GPBP1L1: variants seen among roughly 807,000 people sequenced by gnomAD.
The protein encoded by GPBP1L1 is vasculin-like protein 1.
GPBP1L1 carries 23 observed loss-of-function variants against 52.5 expected under a neutral mutation model. The observed-to-expected ratio is 0.44, with a 90% CI of 0.32 to 0.62. The LOEUF is 0.62. Among genes scored for constraint, GPBP1L1 ranks in the 20% least tolerant of loss-of-function variants. The probability of loss-of-function intolerance (pLI) is 0.06; values close to 1 mark genes in which losing one functional copy is unlikely to be tolerated. For synonymous variants in GPBP1L1, 243 were observed against 203.1 expected (o/e 1.20, Z -1.67); for missense variants, 596 against 579.3 (o/e 1.03, Z -0.30).
chr1:45,677,281 A>C (rs1645158572), intron 2 of GPBP1L1, among the ~76,000 whole-genome samples: 1 of 148,988 alleles, frequency 6.7e-6, no homozygotes, highest in African/African-American at 2.5e-5. Flanking sequence ...GGTTGCAGTG[A>C]GTGAGCTGAG....
intron 6 of GPBP1L1, among the ~76,000 whole-genome samples, chr1:45,644,467 CAACAT>C (rs1298583254): frequency 1.3e-5 from 2 of 151,876 alleles, no homozygotes; most frequent in African/African-American, 4.8e-5. Context: ...ATGGTTTAAG[CAACAT>C]AACATTACCA....
At chr1:45,658,960 A>G (rs1440322913) in intron 4 of GPBP1L1, 68 bp downstream of exon 4, 3 of 1,120,610 alleles carry the variant, frequency 2.7e-6, no homozygotes, top group Non-Finnish European at 4.1e-6. Context: ...ATGAAACCAA[A>G]AAACAACCAA....
chr1:45,634,336 T>G (rs1206152524), intron 8 of GPBP1L1, 100 bp from the exon 9 acceptor site: 2 of 1,256,444 alleles, frequency 1.6e-6, no homozygotes, highest in Non-Finnish European at 2.2e-6. Context: ...CATGAGAACA[T>G]AAGTTTCCAG....
chr1:45,687,157 C>T (rs1645301104), upstream of GPBP1L1: 1 of 152,280 alleles, frequency 6.6e-6, no homozygotes, highest in African/African-American at 2.4e-5. Context: ...GCGCTACCCG[C>T]TGGGAGTAGT....
In GPBP1L1 at chr1:45,685,920, C is replaced by T. The variant is rs1373376727; in HGVS notation, c.-1142-300G>A. 4.6e-5 allele frequency among the ~76,000 whole-genome samples: 7 copies of T among 152,342 alleles called. No homozygotes were observed. In the East Asian group the frequency reaches 1.2e-3, roughly 25 times the overall value. ...TCTAAGCGAAAACACCTCGCTACCA[C>T]AGAGAACCGGAAAGCTGGGGGTTAA... On this transcript the variant is annotated intron_variant, in intron 1 of 12. Coordinates refer to ENST00000355105, the MANE Select transcript of GPBP1L1 (RefSeq NM_021639.5).
chr1:45,677,873 C>G (rs1335830662), intron 2 of GPBP1L1, among the ~76,000 whole-genome samples: 1 of 152,176 alleles, frequency 6.6e-6, no homozygotes, highest in Admixed American at 6.5e-5. Flanking sequence ...GAGGCACAAA[C>G]AAAGAATTCT....
intron 6 of GPBP1L1, among the ~76,000 whole-genome samples, chr1:45,643,770 A>G (rs1267597511): frequency 6.8e-6 from 1 of 147,018 alleles, no homozygotes; most frequent in Non-Finnish European, 1.5e-5. Context: ...TCCAGGTTCA[A>G]GCAATTCTCC....
chr1:45,672,037 T>C (rs1219127991), intron 2 of GPBP1L1, among the ~76,000 whole-genome samples: 4 of 152,008 alleles, frequency 2.6e-5, no homozygotes, highest in Non-Finnish European at 5.9e-5. Context: ...TCTAAACTTT[T>C]CTCCATAAAG....
chr1:45,640,880 T>C (rs1158943855), intron 7 of GPBP1L1, among the ~76,000 whole-genome samples: 1 of 152,066 alleles, frequency 6.6e-6, no homozygotes, highest in Non-Finnish European at 1.5e-5. Context: ...TAGCCAGGCA[T>C]GGTGGTGCAC....
intron 6 of GPBP1L1, among the ~76,000 whole-genome samples, chr1:45,650,322 A>G (rs1482711704): frequency 6.6e-6 from 1 of 152,170 alleles, no homozygotes; most frequent in Non-Finnish European, 1.5e-5. Context: ...CACACTTGTC[A>G]ATTTTGAAAG....
chr1:45,679,039 T>C (rs1181171730), intron 2 of GPBP1L1, among the ~76,000 whole-genome samples: 4 of 152,204 alleles, frequency 2.6e-5, no homozygotes, highest in East Asian at 3.8e-4. Context: ...TATTCTACAT[T>C]ACCCTTACAT....
intron 8 of GPBP1L1, chr1:45,635,288 C>T (rs1644579876): frequency 6.6e-6 from 1 of 152,110 alleles, no homozygotes; most frequent in Non-Finnish European, 1.5e-5. Flanking sequence ...CCACAAAGAA[C>T]AAGCAAGCAG....
At chr1:45,644,211 A>T (rs940278888) in intron 6 of GPBP1L1, among the ~76,000 whole-genome samples, 2 of 152,206 alleles carry the variant, frequency 1.3e-5, no homozygotes, top group Non-Finnish European at 2.9e-5. Context: ...AGGTAAATAC[A>T]TTCCTCTAGA....
intron 6 of GPBP1L1, among the ~76,000 whole-genome samples, chr1:45,647,456 T>C (rs1296600025): frequency 1.3e-5 from 2 of 152,230 alleles, no homozygotes; most frequent in Non-Finnish European, 2.9e-5. Flanking sequence ...AACCCTGTGC[T>C]GGTTACCGCT....
At chr1:45,641,103 G>C (rs568673627) in intron 7 of GPBP1L1, among the ~76,000 whole-genome samples, 1 of 152,274 alleles carries the variant, frequency 6.6e-6, no homozygotes, top group African/African-American at 2.4e-5. Flanking sequence ...TCAGGGATTG[G>C]AGTCTGCCAT....
intron 4 of GPBP1L1, among the ~76,000 whole-genome samples, chr1:45,657,662 G>A (rs116602794): frequency 1.0e-3 from 158 of 152,188 alleles, no homozygotes; most frequent in African/African-American, 3.7e-3. Context: ...ACCACCTTGG[G>A]CAACATGGTG....
intron 12 of GPBP1L1, 80 bp from the exon 13 acceptor site, chr1:45,628,488 G>A: frequency 6.5e-6 from 9 of 1,377,640 alleles, no homozygotes; most frequent in Non-Finnish European, 9.0e-6. Context: ...GGAAAGGCCA[G>A]GCCTCAATTC....
intron 7 of GPBP1L1, 29 bp downstream of exon 7, chr1:45,642,398 G>T: frequency 2.7e-6 from 4 of 1,500,720 alleles, no homozygotes; most frequent in Non-Finnish European, 3.7e-6. Flanking sequence ...TTTTAAAGTT[G>T]TGCCTTTAAA....
At chr1:45,649,241 G>C (rs1644791157) in intron 6 of GPBP1L1, among the ~76,000 whole-genome samples, 1 of 152,102 alleles carries the variant, frequency 6.6e-6, no homozygotes, top group Admixed American at 6.6e-5. Context: ...CCTTAAATAT[G>C]TATTTCCTTA....
Sources: gnomAD v4.1 joint callset for allele counts (sites outside exome capture counted in the v4.1 genomes callset) on GRCh38, gnomAD v4.1.1 for gene constraint, MANE v1.5 for transcripts, NCBI Gene and HGNC (gene_info 2026-07-23, HGNC 2026-07-21) for gene names.